Variants in MAGI1 observed in about 807,000 individuals in gnomAD.
MAGI1 encodes the protein membrane-associated guanylate kinase, WW and PDZ domain-containing protein 1.
MAGI1 carries 58 observed loss-of-function variants against 139.9 expected under a neutral mutation model. The ratio of observed to expected loss-of-function variants is 0.41; its 90% CI spans 0.34 to 0.52. The LOEUF (loss-of-function observed/expected upper bound fraction) is 0.52. Among genes scored for constraint, MAGI1 ranks in the 20% least tolerant of loss-of-function variants. The probability of loss-of-function intolerance (pLI) is 0.12; values close to 1 mark genes in which losing one functional copy is unlikely to be tolerated. For synonymous variants in MAGI1, 812 were observed against 737.9 expected, an observed-to-expected ratio of 1.10 and a Z score of -1.63; for missense variants, 1,874 against 1,901.6, an observed-to-expected ratio of 0.99 and a Z score of 0.27.
intron 1 of MAGI1, among the ~76,000 whole-genome samples, chr3:65,899,060 T>C (rs1227204510): frequency 6.6e-6 from 1 of 152,102 alleles, no homozygotes; most frequent in African/African-American, 2.4e-5. Flanking sequence ...CAGCTGGGAC[T>C]ACAGGCACAC....
At chr3:65,530,624 G>GT (rs1204700107) in intron 2 of MAGI1, among the ~76,000 whole-genome samples, 2 of 129,274 alleles carry the variant, frequency 1.5e-5, no homozygotes, top group African/African-American at 6.4e-5. Flanking sequence ...ATGTGTGTGT[G>GT]GTGTGTGTGT....
chr3:65,848,780 G>A (rs2108378925), intron 1 of MAGI1, among the ~76,000 whole-genome samples: 1 of 151,904 alleles, frequency 6.6e-6, no homozygotes, highest in East Asian at 1.9e-4. Context: ...TTAGCCTCAG[G>A]TCCCCCATCT....
chr3:65,510,424 T>C (rs1343427298), intron 2 of MAGI1, among the ~76,000 whole-genome samples: 5 of 148,076 alleles, frequency 3.4e-5, no homozygotes, highest in East Asian at 4.0e-4. Context: ...TAGAAGAATG[T>C]ATAACTAGAA....
Position 65,918,939 on chromosome 3 carries a change from A to C in MAGI1, c.313+119057T>G, listed in dbSNP as rs554531558. Among the ~76,000 whole-genome samples the C allele has an allele frequency of 2.8e-3, 430 of 152,292 alleles. 2 individuals carry two copies. The highest frequency in any genetic ancestry group is 9.5e-3 in the African/African-American group (397 of 41,574). On this transcript the variant is annotated intron_variant, in intron 1 of 22. Coordinates refer to ENST00000402939, the MANE Select transcript of MAGI1 (RefSeq NM_001033057.2). ...GATAATAATCCTCATTTTCAAAAAA[A>C]AAACAAACAAACAAAACAAAATGTA...
intron 5 of MAGI1, among the ~76,000 whole-genome samples, chr3:65,458,354 G>C (rs1949539683): frequency 6.7e-6 from 1 of 148,926 alleles, no homozygotes; most frequent in African/African-American, 2.5e-5. Flanking sequence ...TAGTTTTTCT[G>C]TTTGTTTGTT....
intron 6 of MAGI1, among the ~76,000 whole-genome samples, chr3:65,449,906 T>C (rs1948924658): frequency 6.6e-6 from 1 of 152,144 alleles, no homozygotes; most frequent in Admixed American, 6.5e-5. Flanking sequence ...AATCATATTT[T>C]TGGGGGCAAA....
intron 1 of MAGI1, among the ~76,000 whole-genome samples, chr3:65,624,206 A>G (rs1054105651): frequency 1.2e-4 from 18 of 152,144 alleles, no homozygotes; most frequent in Admixed American, 7.2e-4. Context: ...TAGGAAAACA[A>G]TTTGTCAATA....
At chr3:65,507,108 T>C (rs532500064) in intron 2 of MAGI1, among the ~76,000 whole-genome samples, 2 of 152,264 alleles carry the variant, frequency 1.3e-5, no homozygotes, top group South Asian at 4.1e-4. Context: ...TTGGGTACAA[T>C]ACTAAGCCTA....
intron 1 of MAGI1, among the ~76,000 whole-genome samples, chr3:66,019,725 C>A (rs1192962616): frequency 6.6e-6 from 1 of 152,142 alleles, no homozygotes; most frequent in African/African-American, 2.4e-5. Context: ...CAAGTTAAAA[C>A]TCATATCCAA....
intron 2 of MAGI1, among the ~76,000 whole-genome samples, chr3:65,554,469 T>C (rs1230309930): frequency 2.0e-5 from 3 of 152,028 alleles, no homozygotes; most frequent in African/African-American, 7.2e-5. Flanking sequence ...TTCTTACCGA[T>C]GGGAAAAAGA....
At chr3:66,023,438 C>A (rs2068066572) in intron 1 of MAGI1, among the ~76,000 whole-genome samples, 1 of 152,174 alleles carries the variant, frequency 6.6e-6, no homozygotes. Flanking sequence ...TCCCTTTCCT[C>A]ATCCTAGTGC....
chr3:65,983,374 G>A (rs886958453), intron 1 of MAGI1, among the ~76,000 whole-genome samples: 6 of 152,140 alleles, frequency 3.9e-5, no homozygotes, highest in African/African-American at 1.4e-4. Flanking sequence ...GAATAATGTG[G>A]AGTACAATGA....
chr3:65,693,537 C>T (rs1300401202), intron 1 of MAGI1, among the ~76,000 whole-genome samples: 1 of 152,108 alleles, frequency 6.6e-6, no homozygotes, highest in African/African-American at 2.4e-5. Context: ...GAAATGCCCA[C>T]AATCATAATT....
chr3:65,852,765 A>G lies in MAGI1; in HGVS notation c.313+185231T>C, dbSNP rs1052411749. ...TGATCTGCCCGCCTAGGCCTCCCAA[A>G]GTACTTGGATTACAGGCGTGAGCCA... On this transcript the variant is annotated intron_variant, in intron 1 of 22. Transcript: ENST00000402939. 3.9e-4 allele frequency among the ~76,000 whole-genome samples: 59 copies of G among 151,914 alleles called. 1 individual carries two copies. Among genetic ancestry groups the G allele is most frequent in the African/African-American group, 1.3e-3 (53 of 41,496 alleles).
chr3:65,412,695 A>G (rs1371971210), intron 12 of MAGI1, among the ~76,000 whole-genome samples: 1 of 152,124 alleles, frequency 6.6e-6, no homozygotes, highest in Non-Finnish European at 1.5e-5. Context: ...TTCTTTTTAT[A>G]GCCATCATTG....
At chr3:65,633,441 C>G (rs998075245) in intron 1 of MAGI1, among the ~76,000 whole-genome samples, 7 of 152,142 alleles carry the variant, frequency 4.6e-5, no homozygotes, top group African/African-American at 1.7e-4. Flanking sequence ...GCTGATGAAG[C>G]TCAAGAAGCT....
At chr3:65,889,572 A>C (rs914394662) in intron 1 of MAGI1, among the ~76,000 whole-genome samples, 15 of 152,186 alleles carry the variant, frequency 9.9e-5, no homozygotes, top group Admixed American at 1.3e-4. Context: ...CAGGGGAGAA[A>C]TACTCGCCTA....
intron 1 of MAGI1, among the ~76,000 whole-genome samples, chr3:65,622,321 A>G (rs2083725053): frequency 6.6e-6 from 1 of 152,230 alleles, no homozygotes; most frequent in African/African-American, 2.4e-5. Context: ...CTCACATAAT[A>G]CTAGAAGGCC....
chr3:65,509,787 T>A (rs1019532679), intron 2 of MAGI1, among the ~76,000 whole-genome samples: 1 of 151,972 alleles, frequency 6.6e-6, no homozygotes, highest in Non-Finnish European at 1.5e-5. Flanking sequence ...AAGCTCGAAC[T>A]GGGTGGAGCC....
Sources: gnomAD v4.1 joint callset for allele counts (sites outside exome capture counted in the v4.1 genomes callset) on GRCh38, gnomAD v4.1.1 for gene constraint, MANE v1.5 for transcripts, NCBI Gene and HGNC (gene_info 2026-07-23, HGNC 2026-07-21) for gene names.